The following LTBP1 variants were observed in gnomAD, a reference collection of about 807,000 sequenced individuals.
LTBP1 encodes latent transforming growth factor beta binding protein 1.
In LTBP1, 129 loss-of-function variants were observed where a neutral mutation model predicts 207.6. The observed-to-expected ratio is 0.62, with a 90% confidence interval of 0.54 to 0.72. The LOEUF is 0.72. LTBP1 is among the 30% of genes least tolerant of loss of function. The pLI is 0.00. For missense variants in LTBP1, 2,281 were observed against 2,217.2 expected (o/e 1.03, Z -0.58); for synonymous variants, 963 against 833.7 (o/e 1.16, Z -2.67).
chr2:33,023,365 G>C (rs2075266080), intron 3 of LTBP1, among the ~76,000 whole-genome samples: 1 of 152,168 alleles, frequency 6.6e-6, no homozygotes, highest in African/African-American at 2.4e-5. Context: ...GTCAGATAAA[G>C]GAACAGTCTA....
At chr2:33,181,330 A>T (rs1273042812) in intron 5 of LTBP1, among the ~76,000 whole-genome samples, 1 of 152,230 alleles carries the variant, frequency 6.6e-6, no homozygotes, top group Admixed American at 6.5e-5. Context: ...CAAGGTTCCA[A>T]TTCGTGGCAC....
chr2:33,286,970 T>A (rs1019464821), intron 19 of LTBP1, among the ~76,000 whole-genome samples: 1 of 151,380 alleles, frequency 6.6e-6, no homozygotes, highest in Non-Finnish European at 1.5e-5. Context: ...TTAGGAGATA[T>A]ACCTAATGTT....
At chr2:33,048,732 A>G (rs976078083) in intron 3 of LTBP1, among the ~76,000 whole-genome samples, 1 of 152,182 alleles carries the variant, frequency 6.6e-6, no homozygotes, top group Non-Finnish European at 1.5e-5. Context: ...CTCTTCAGAG[A>G]GGATTATCTC....
intron 7 of LTBP1, among the ~76,000 whole-genome samples, chr2:33,209,420 C>G (rs1477427620): frequency 6.6e-6 from 1 of 152,128 alleles, no homozygotes; most frequent in Non-Finnish European, 1.5e-5. Context: ...AGCACCATGA[C>G]AAGTACGATC....
At chr2:32,961,272 C>T (rs545713533) in intron 2 of LTBP1, among the ~76,000 whole-genome samples, 111 of 150,966 alleles carry the variant, frequency 7.4e-4, no homozygotes, top group East Asian at 7.7e-4. Context: ...GCCGAGCTCT[C>T]GTGGAAAGGC....
At chr2:33,208,219 G>A (rs949055673) in intron 7 of LTBP1, among the ~76,000 whole-genome samples, 1 of 152,178 alleles carries the variant, frequency 6.6e-6, no homozygotes, top group Non-Finnish European at 1.5e-5. Context: ...TGCATGGGTG[G>A]AATAATTTAT....
chr2:33,063,881 T>C (rs1037403477), intron 3 of LTBP1, among the ~76,000 whole-genome samples: 4 of 150,598 alleles, frequency 2.7e-5, no homozygotes, highest in African/African-American at 7.3e-5. Flanking sequence ...TGAGATGGAG[T>C]CTCGCTCTGT....
chr2:33,171,726 T>C (rs1297138683), intron 5 of LTBP1, among the ~76,000 whole-genome samples: 1 of 151,824 alleles, frequency 6.6e-6, no homozygotes, highest in African/African-American at 2.4e-5. Flanking sequence ...AAAGTTGAAA[T>C]GAAGGAACAA....
chr2:33,148,034 C>G (rs1005924482), intron 5 of LTBP1, among the ~76,000 whole-genome samples: 22 of 152,302 alleles, frequency 1.4e-4, no homozygotes, highest in African/African-American at 4.8e-4. Flanking sequence ...GAGTTCAATT[C>G]CATAGTCTGC....
At chr2:33,287,517 C>T (rs888253795) in intron 19 of LTBP1, among the ~76,000 whole-genome samples, 18 of 152,198 alleles carry the variant, frequency 1.2e-4, no homozygotes, top group African/African-American at 4.3e-4. Context: ...GTAACAATGG[C>T]TTGAGGATTC....
At chr2:33,324,984 C>T (rs538257088) in intron 24 of LTBP1, among the ~76,000 whole-genome samples, 2 of 152,082 alleles carry the variant, frequency 1.3e-5, no homozygotes, top group Non-Finnish European at 1.5e-5. Context: ...AGATTACAGG[C>T]GTGAGCCACC....
intron 22 of LTBP1, among the ~76,000 whole-genome samples, chr2:33,306,162 C>T (rs528511907): frequency 1.1e-4 from 16 of 152,302 alleles, no homozygotes; most frequent in African/African-American, 2.9e-4. Flanking sequence ...AACATATGCT[C>T]AGCTTTCTAA....
intron 7 of LTBP1, among the ~76,000 whole-genome samples, chr2:33,210,663 G>T (rs2090244403): frequency 6.6e-6 from 1 of 152,112 alleles, no homozygotes; most frequent in Admixed American, 6.5e-5. Context: ...ACCCTCCATG[G>T]TTTAGCTCCA....
At chr2:33,095,902 A>C (rs2079359404) in intron 3 of LTBP1, among the ~76,000 whole-genome samples, 2 of 152,156 alleles carry the variant, frequency 1.3e-5, no homozygotes. Context: ...CATGTAATTT[A>C]ACATATATGT....
At chr2:33,358,456 T>TTA (rs2094890466) in intron 26 of LTBP1, among the ~76,000 whole-genome samples, 7 of 151,552 alleles carry the variant, frequency 4.6e-5, no homozygotes. Context: ...AATTTTAAAT[T>TTA]TATATATATT....
chr2:33,111,596 A>G (rs1014362274), intron 4 of LTBP1, among the ~76,000 whole-genome samples: 1 of 152,140 alleles, frequency 6.6e-6, no homozygotes, highest in Non-Finnish European at 1.5e-5. Flanking sequence ...GCACTAGTGA[A>G]GTCCACATTT....
rs528096741 is a variant in LTBP1 at position 33,364,216 on chromosome 2, A to G, written c.4400A>G (p.Asp1467Gly). The change falls in exon 30 of 34, where the codon GAT becomes GGT. Residue 1467 changes from aspartate (D) to glycine (G), a missense_variant and splice_region_variant. By Grantham distance (94) the Asp-to-Gly change is moderately conservative. This residue lies in a region of LTBP1 where 1,671 missense variants were observed against 1,634.8 expected (regional missense o/e 1.02). Transcript: ENST00000404816. ...YYDPVKLQCF[D>G]MDECQDPSSC... ...AGTAATACTTTTTTTTGCTCTTAAG[A>G]TATGGATGAATGTCAAGACCCCAGT... The G allele has an allele frequency of 5.6e-6, 9 of 1,611,842 alleles. No individual in the cohort carries two copies. Among genetic ancestry groups the G allele is most frequent in the Non-Finnish European group, 7.6e-6 (9 of 1,179,404 alleles).
chr2:32,986,997 G>A (rs557100547), intron 2 of LTBP1, among the ~76,000 whole-genome samples: 129 of 152,304 alleles, frequency 8.5e-4, no homozygotes, highest in African/African-American at 2.9e-3. Flanking sequence ...TGGCGATGGG[G>A]GTGTGATGGG....
In LTBP1 at chr2:33,282,994, C is replaced by T. The variant is rs534702711; in HGVS notation, c.3112+2836C>T. Among the ~76,000 whole-genome samples, 319 of 133,892 alleles carry T rather than the reference C, an allele frequency of 2.4e-3. 1 individual carries two copies. Among genetic ancestry groups the T allele is most frequent in the Non-Finnish European group, 3.7e-3 (245 of 65,424 alleles). 87.8% of individuals were successfully genotyped at this position (133,892 alleles called of 152,430 possible). ...AGGAGAATCGCTTGAACCTGGGAGG[C>T]GGAGGTTGCAGTGAGCCGAGATTGC... On this transcript the variant is annotated intron_variant, in intron 19 of 33. Coordinates refer to ENST00000404816, the MANE Select transcript of LTBP1 (RefSeq NM_206943.4).
Sources: gnomAD v4.1 joint callset for allele counts (sites outside exome capture counted in the v4.1 genomes callset) on GRCh38, gnomAD v4.1.1 for gene constraint, gnomAD v4.1.1 regional missense constraint, MANE v1.5 for transcripts, NCBI Gene and HGNC (gene_info 2026-07-23, HGNC 2026-07-21) for gene names.